Variants in SLC35F3 observed in about 807,000 individuals in gnomAD.
The protein encoded by SLC35F3 is solute carrier family 35 member F3.
A neutral mutation model predicts 49.9 loss-of-function variants in SLC35F3; 25 were observed. That is an observed-to-expected ratio of 0.50 (90% CI 0.37 to 0.70). The LOEUF (loss-of-function observed/expected upper bound fraction) is 0.70, where lower values mean the gene tolerates loss of function less well. Ranked by LOEUF, SLC35F3 falls within the 30% of genes least tolerant of loss-of-function variation. The probability of loss-of-function intolerance (pLI) is 0.00; values close to 1 mark genes in which losing one functional copy is unlikely to be tolerated. For missense variants in SLC35F3, 525 were observed against 639.8 expected (o/e 0.82, Z 1.94); for synonymous variants, 275 against 265.4 (o/e 1.04, Z -0.35).
intron 2 of SLC35F3, among the ~76,000 whole-genome samples, chr1:234,166,075 C>A (rs1666314096): frequency 6.6e-6 from 1 of 152,100 alleles, no homozygotes; most frequent in Non-Finnish European, 1.5e-5. Flanking sequence ...GTATATATAA[C>A]CGCATTTTCT....
intron 2 of SLC35F3, among the ~76,000 whole-genome samples, chr1:233,978,345 T>A (rs562197803): frequency 2.6e-5 from 4 of 152,198 alleles, no homozygotes; most frequent in African/African-American, 9.7e-5. Flanking sequence ...TTCAATTGCA[T>A]TGATTTCTTA....
rs957507638 is a variant in SLC35F3 at position 234,320,309 on chromosome 1, C to T, written c.1237+122C>T. The T allele has an allele frequency of 7.1e-6, 5 of 700,124 alleles. No homozygotes were observed. The highest frequency in any genetic ancestry group is 1.6e-5 in the South Asian group (1 of 64,208). The allele number at this position is 700,124 out of a possible 1,614,324, so 43.4% of individuals were successfully genotyped here. On this transcript the variant is annotated intron_variant, in intron 7 of 7. Coordinates refer to ENST00000366618, the MANE Select transcript of SLC35F3 (RefSeq NM_173508.4). This position sits in a 1 kb window ranked among gnomAD's most constrained non-coding sequence, Gnocchi z 4.8. ...ACACATACACTCACATACACACACT[C>T]ATGCATACACACACACACACATACT...
At chr1:234,002,483 T>C (rs908623604) in intron 2 of SLC35F3, among the ~76,000 whole-genome samples, 9 of 152,126 alleles carry the variant, frequency 5.9e-5, no homozygotes, top group African/African-American at 1.9e-4. Context: ...TGTCTCACAG[T>C]AGGAATTTGT....
At chr1:234,190,058 T>C (rs1666708573) in intron 2 of SLC35F3, among the ~76,000 whole-genome samples, 1 of 152,112 alleles carries the variant, frequency 6.6e-6, no homozygotes, top group Non-Finnish European at 1.5e-5. Flanking sequence ...CAAGAACTGC[T>C]AAAAGGAGCT....
intron 2 of SLC35F3, among the ~76,000 whole-genome samples, chr1:234,097,546 ACACACACG>A (rs1191203293): frequency 1.3e-5 from 2 of 150,486 alleles, no homozygotes; most frequent in African/African-American, 5.0e-5. Context: ...ACATACACGC[ACACACACG>A]CACACACGCA....
At chr1:233,933,035 TAAAAAAAA>T (rs59669736) in intron 2 of SLC35F3, among the ~76,000 whole-genome samples, 2 of 134,944 alleles carry the variant, frequency 1.5e-5, no homozygotes, top group Non-Finnish European at 3.1e-5. Flanking sequence ...GCTATTTAAG[TAAAAAAAA>T]AAAAAAAAAA....
chr1:234,062,464 A>G (rs1270555828), intron 2 of SLC35F3, among the ~76,000 whole-genome samples: 1 of 152,150 alleles, frequency 6.6e-6, no homozygotes, highest in South Asian at 2.1e-4. Context: ...TTTGAGATTC[A>G]TGTGGAACCC....
chr1:233,984,099 A>T lies in SLC35F3; in HGVS notation c.283+78341A>T, dbSNP rs140826975. Among the ~76,000 whole-genome samples, 31 of 152,340 alleles carry T rather than the reference A, an allele frequency of 2.0e-4. 1 individual carries two copies. The East Asian group carries it at 2.5e-3, about 12-fold the overall frequency. The stretch of plus-strand genomic sequence containing the variant: ...TTTCATCAGGAGAAATTAGATCAAG[A>T]TGAAGCGCATAGGTGCTTGGTCCCA... On this transcript the variant is annotated intron_variant, in intron 2 of 7. Coordinates refer to ENST00000366618, the MANE Select transcript of SLC35F3 (RefSeq NM_173508.4).
intron 2 of SLC35F3, among the ~76,000 whole-genome samples, chr1:233,960,632 A>G (rs1165482009): frequency 6.6e-6 from 1 of 152,160 alleles, no homozygotes; most frequent in Non-Finnish European, 1.5e-5. Context: ...TTTAAGTTAG[A>G]TCATTTCTCA....
intron 2 of SLC35F3, among the ~76,000 whole-genome samples, chr1:233,950,699 A>C (rs1012245846): frequency 6.6e-6 from 1 of 152,120 alleles, no homozygotes; most frequent in Non-Finnish European, 1.5e-5. Flanking sequence ...CTAGGAAAAA[A>C]ATCTAAAAGA....
intron 2 of SLC35F3, among the ~76,000 whole-genome samples, chr1:234,200,435 C>T (rs1053688968): frequency 6.6e-6 from 1 of 152,040 alleles, no homozygotes; most frequent in African/African-American, 2.4e-5. Flanking sequence ...CTTTTCAATG[C>T]TTTGATGGTG....
At chr1:234,285,911 G>A (rs1465455053) in intron 3 of SLC35F3, among the ~76,000 whole-genome samples, 1 of 152,222 alleles carries the variant, frequency 6.6e-6, no homozygotes, top group Non-Finnish European at 1.5e-5. Flanking sequence ...TGGCCCCAAA[G>A]ATGTGTGTCC....
At chr1:234,282,123 T>A (rs1428301640) in intron 3 of SLC35F3, among the ~76,000 whole-genome samples, 2 of 152,308 alleles carry the variant, frequency 1.3e-5, no homozygotes, top group African/African-American at 4.8e-5. Flanking sequence ...ATGCACACAG[T>A]GCCTGTTAGT....
intron 3 of SLC35F3, among the ~76,000 whole-genome samples, chr1:234,294,282 G>A (rs765780376): frequency 6.6e-5 from 10 of 152,182 alleles, no homozygotes; most frequent in Admixed American, 3.3e-4. Context: ...CCGAAGCAAC[G>A]AAGGAACCAC....
At chr1:234,065,796 T>C (rs1227356887) in intron 2 of SLC35F3, among the ~76,000 whole-genome samples, 1 of 152,256 alleles carries the variant, frequency 6.6e-6, no homozygotes, top group Non-Finnish European at 1.5e-5. Context: ...ACTATTTTTC[T>C]AGAACGAGTT....
At chr1:234,138,928 G>A (rs972041620) in intron 2 of SLC35F3, among the ~76,000 whole-genome samples, 2 of 152,162 alleles carry the variant, frequency 1.3e-5, no homozygotes, top group African/African-American at 2.4e-5. Context: ...ACTCTTCTCC[G>A]TCTTCATCTC....
At position 234,320,034 on chromosome 1, in the gene SLC35F3, C is replaced by A; in HGVS notation, c.1148-64C>A. The A allele has an allele frequency of 8.6e-7, 1 of 1,165,040 alleles. No homozygotes were observed. The highest frequency in any genetic ancestry group is 1.3e-6 in the Non-Finnish European group (1 of 773,024). 72.2% of individuals were successfully genotyped at this position (1,165,040 alleles called of 1,614,324 possible). ...TCAGGAAAACCTGGGTCAGATAGGC[C>A]AGCAGGGAGGTAAAGTACACAGCAG... On this transcript the variant is annotated intron_variant, in intron 6 of 7. Coordinates refer to ENST00000366618, the MANE Select transcript of SLC35F3 (RefSeq NM_173508.4). This position sits in a 1 kb window ranked among gnomAD's most constrained non-coding sequence, Gnocchi z 4.8.
chr1:234,209,461 T>A lies in SLC35F3; in HGVS notation c.284-21956T>A, dbSNP rs572036628. On this transcript the variant is annotated intron_variant, in intron 2 of 7. Coordinates refer to ENST00000366618, the MANE Select transcript of SLC35F3 (RefSeq NM_173508.4). ...ACACCATTAGCTTCCTGGATAATTT[T>A]GTTTATGTGAGTTTTTAAATAGGCA... 9.4e-4 allele frequency among the ~76,000 whole-genome samples: 143 copies of A among 152,236 alleles called. 1 individual carries two copies. Among genetic ancestry groups the A allele is most frequent in the African/African-American group, 3.2e-3 (132 of 41,540 alleles).
Position 234,125,607 on chromosome 1 carries a change from C to T in SLC35F3, c.284-105810C>T, listed in dbSNP as rs144100438. Among the ~76,000 whole-genome samples, 379 of 152,308 alleles carry T rather than the reference C, an allele frequency of 2.5e-3. 1 individual carries two copies. The highest frequency in any genetic ancestry group is 8.3e-3 in the African/African-American group (347 of 41,558). ...CCTCCAGCTGTTCCCAGCTCCTGAC[C>T]GGTCCGGGCTTGTGCTGACTGCCCT... On this transcript the variant is annotated intron_variant, in intron 2 of 7. Coordinates refer to ENST00000366618, the MANE Select transcript of SLC35F3 (RefSeq NM_173508.4).
Sources: gnomAD v4.1 joint callset for allele counts (sites outside exome capture counted in the v4.1 genomes callset) on GRCh38, gnomAD v4.1.1 for gene constraint, Gnocchi (gnomAD v3.1) non-coding constraint, MANE v1.5 for transcripts, NCBI Gene and HGNC (gene_info 2026-07-23, HGNC 2026-07-21) for gene names.